ACCSL: variants seen among roughly 807,000 people sequenced by gnomAD.
ACCSL encodes probable inactive 1-aminocyclopropane-1-carboxylate synthase-like protein 2.
ACCSL carries 55 observed loss-of-function variants against 61.7 expected under a neutral mutation model. That is an observed-to-expected ratio of 0.89 (90% CI 0.72 to 1.12). ACCSL has a LOEUF of 1.12. ACCSL is among the 50% of genes most tolerant of loss of function. The pLI, the probability that ACCSL is intolerant of heterozygous loss-of-function variation, is 0.00. For missense variants in ACCSL, 632 were observed against 698.0 expected, an observed-to-expected ratio of 0.91 and a Z score of 1.07; for synonymous variants, 258 against 264.3, an observed-to-expected ratio of 0.98 and a Z score of 0.23.
the ACCSL span, among the ~76,000 whole-genome samples, chr11:43,932,578 CT>C: frequency 6.6e-6 from 1 of 152,152 alleles, no homozygotes; most frequent in African/African-American, 2.4e-5. Flanking sequence ...CTGAGAAGAA[CT>C]TTCTAGCAAA....
chr11:43,957,583 G>A, the ACCSL span, among the ~76,000 whole-genome samples: 1 of 152,300 alleles, frequency 6.6e-6, no homozygotes, highest in Admixed American at 6.5e-5. Flanking sequence ...CTCTATAGAT[G>A]CAAATTTCCA....
chr11:44,042,985 A>C (rs958251191), upstream of ACCSL, among the ~76,000 whole-genome samples: 3 of 151,400 alleles, frequency 2.0e-5, no homozygotes, highest in Admixed American at 2.0e-4. Flanking sequence ...CGGGATGCTG[A>C]GGTGGGAGGA....
chr11:43,942,622 T>C, the ACCSL span: 2 of 305,276 alleles, frequency 6.6e-6, no homozygotes, highest in African/African-American at 2.3e-5. Flanking sequence ...GCCGCGAGCC[T>C]GGCCGCCGCG....
At chr11:43,921,482 G>A in the ACCSL span, among the ~76,000 whole-genome samples, 1 of 152,154 alleles carries the variant, frequency 6.6e-6, no homozygotes, top group African/African-American at 2.4e-5. Context: ...AATCACCATA[G>A]GAATAAAATA....
chr11:44,014,839 G>A, the ACCSL span, among the ~76,000 whole-genome samples: 1 of 152,198 alleles, frequency 6.6e-6, no homozygotes, highest in Non-Finnish European at 1.5e-5. Flanking sequence ...GAGAGAAAAA[G>A]GTATGGGCCT....
At chr11:43,976,325 C>T in the ACCSL span, among the ~76,000 whole-genome samples, 1 of 152,182 alleles carries the variant, frequency 6.6e-6, no homozygotes, top group African/African-American at 2.4e-5. Context: ...ATCTCCATCT[C>T]CTGATATTCA....
chr11:44,051,732 G>A lies in ACCSL; in HGVS notation c.772+13G>A, dbSNP rs747575554. The A allele has an allele frequency of 1.9e-6, 3 of 1,613,934 alleles. No homozygotes were observed. Among genetic ancestry groups the A allele is most frequent in the Non-Finnish European group, 1.7e-6 (2 of 1,179,970 alleles). ...TGTGATCCAGGCGGTAAGTCAGTGG[G>A]CTCTCCTTTCACTCTCAGTGAAATA... On this transcript the variant is annotated intron_variant, in intron 5 of 13. Transcript: ENST00000378832.
chr11:44,021,299 A>G, the ACCSL span, among the ~76,000 whole-genome samples: 8 of 151,902 alleles, frequency 5.3e-5, no homozygotes, highest in African/African-American at 7.3e-5. Flanking sequence ...TTGATTTTTT[A>G]TTTATGGCCA....
chr11:43,943,032 G>A, the ACCSL span: 2 of 1,503,376 alleles, frequency 1.3e-6, no homozygotes, highest in East Asian at 2.8e-5. This position sits in a 1 kb window ranked among gnomAD's most constrained non-coding sequence, Gnocchi z 4.8. Flanking sequence ...AAGGGCCGGG[G>A]CCGGCTGCGG....
the ACCSL span, among the ~76,000 whole-genome samples, chr11:43,935,474 G>A: frequency 6.6e-6 from 1 of 152,210 alleles, no homozygotes; most frequent in Non-Finnish European, 1.5e-5. Context: ...AGCACTTAGT[G>A]TAGCCCTGAT....
At chr11:44,036,313 G>A in the ACCSL span, among the ~76,000 whole-genome samples, 2 of 152,230 alleles carry the variant, frequency 1.3e-5, no homozygotes, top group Non-Finnish European at 2.9e-5. Flanking sequence ...AATACTCTGG[G>A]CCTGGATTCA....
At chr11:43,997,733 A>G in the ACCSL span, among the ~76,000 whole-genome samples, 1 of 152,222 alleles carries the variant, frequency 6.6e-6, no homozygotes, top group Non-Finnish European at 1.5e-5. Context: ...ACCCCAACCA[A>G]TAGTGACAAA....
the ACCSL span, among the ~76,000 whole-genome samples, chr11:43,999,399 C>T: frequency 6.6e-6 from 1 of 152,168 alleles, no homozygotes; most frequent in Non-Finnish European, 1.5e-5. Context: ...GCCAACATGT[C>T]AGCTGGGGCT....
the ACCSL span, among the ~76,000 whole-genome samples, chr11:44,016,915 T>C: frequency 6.6e-6 from 1 of 152,196 alleles, no homozygotes; most frequent in East Asian, 1.9e-4. Context: ...AGATCTCTTA[T>C]AGAGACCCCT....
chr11:44,017,688 G>A, the ACCSL span, among the ~76,000 whole-genome samples: 5 of 152,226 alleles, frequency 3.3e-5, no homozygotes, highest in East Asian at 3.9e-4. Flanking sequence ...TCTATGCCTC[G>A]GTTTACTCCT....
the ACCSL span, among the ~76,000 whole-genome samples, chr11:43,924,716 C>CT: frequency 1.3e-5 from 2 of 152,236 alleles, no homozygotes; most frequent in South Asian, 4.1e-4. Flanking sequence ...TCTGAGCCAC[C>CT]TGCCTGGGGG....
chr11:44,006,492 C>T, the ACCSL span, among the ~76,000 whole-genome samples: 3 of 141,138 alleles, frequency 2.1e-5, no homozygotes, highest in African/African-American at 7.9e-5. Context: ...CTACTCACCT[C>T]TTTGAGATTT....
the ACCSL span, among the ~76,000 whole-genome samples, chr11:43,928,743 GC>G: frequency 6.6e-6 from 1 of 152,224 alleles, no homozygotes; most frequent in African/African-American, 2.4e-5. Context: ...TATGCCCCCA[GC>G]TCAGCTCCTT....
At chr11:43,972,526 G>T in the ACCSL span, among the ~76,000 whole-genome samples, 1 of 152,182 alleles carries the variant, frequency 6.6e-6, no homozygotes, top group Non-Finnish European at 1.5e-5. Context: ...ATCTAAAAAT[G>T]ACAGCTATGC....
Sources: allele counts gnomAD v4.1 joint callset (sites outside exome capture counted in the v4.1 genomes callset), GRCh38; gene constraint gnomAD v4.1.1; non-coding constraint Gnocchi (gnomAD v3.1); transcripts MANE v1.5; gene names NCBI Gene and HGNC (gene_info 2026-07-23, HGNC 2026-07-21).